PADI3: variants seen among roughly 807,000 people sequenced by gnomAD.
PADI3 encodes peptidyl arginine deiminase 3, also known as protein-arginine deiminase type-3.
PADI3 carries 53 observed loss-of-function variants against 71.5 expected under a neutral mutation model. The ratio of observed to expected loss-of-function variants is 0.74; its 90% confidence interval spans 0.59 to 0.93. The LOEUF is 0.93. Among genes scored for constraint, PADI3 ranks in the 40% least tolerant of loss-of-function variants. The pLI is 0.00. For missense variants in PADI3, 821 were observed against 868.0 expected, an observed-to-expected ratio of 0.95 and a Z score of 0.68; for synonymous variants, 361 against 347.5, an observed-to-expected ratio of 1.04 and a Z score of -0.43.
At chr1:17,251,017 C>A (rs536759695) in intron 1 of PADI3, among the ~76,000 whole-genome samples, 1 of 152,212 alleles carries the variant, frequency 6.6e-6, no homozygotes, top group East Asian at 1.9e-4. Context: ...ATGAGGGATT[C>A]TTGGGCCCTG....
Position 17,274,802 on chromosome 1 carries a change from G to A in PADI3, c.1307+16G>A. 2.5e-6 allele frequency: 4 copies of A among 1,611,074 alleles called. No individual in the cohort carries two copies. The highest frequency in any genetic ancestry group is 3.4e-6 in the Non-Finnish European group (4 of 1,178,118). On this transcript the variant is annotated intron_variant, in intron 11 of 15. Transcript: ENST00000375460. ...ACCTGCCTGGGTGAGAGAGAGACAG[G>A]GAATGGAGTTCCTGGGGTGGAGGCT...
Position 17,277,256 on chromosome 1 carries a change from G to A in PADI3, c.1555+380G>A, listed in dbSNP as rs1320377908. Among the ~76,000 whole-genome samples, 5 of 151,682 alleles carry A rather than the reference G, an allele frequency of 3.3e-5. No individual in the cohort carries two copies. In the East Asian group the frequency reaches 7.8e-4, roughly 24 times the overall value. On this transcript the variant is annotated intron_variant, in intron 13 of 15. Coordinates refer to ENST00000375460, the MANE Select transcript of PADI3 (RefSeq NM_016233.2). ...GTTGCCCAGGCTGGAGTGCAATGGCGTGATCTCCACTCACCGCAACCTCCG... is the reference window on the plus strand; with the variant it reads ...GTTGCCCAGGCTGGAGTGCAATGGCATGATCTCCACTCACCGCAACCTCCG...
intron 1 of PADI3, among the ~76,000 whole-genome samples, chr1:17,256,511 C>G (rs1242998921): frequency 6.6e-6 from 1 of 152,120 alleles, no homozygotes; most frequent in Admixed American, 6.5e-5. Context: ...CCTGGGGACC[C>G]TCCTGGGCAG....
chr1:17,272,768 G>T (rs1269992729), intron 9 of PADI3, among the ~76,000 whole-genome samples: 1 of 152,154 alleles, frequency 6.6e-6, no homozygotes, highest in Non-Finnish European at 1.5e-5. Flanking sequence ...AAAGTGCTGG[G>T]ATTATAGGTG....
intron 6 of PADI3, among the ~76,000 whole-genome samples, chr1:17,268,579 G>C (rs112577502): frequency 0.11 from 16,080 of 145,576 alleles, 949 homozygotes; most frequent in African/African-American, 0.12. Context: ...GTGACCTCGG[G>C]TCACTGCAAC....
At chr1:17,249,318 G>A in intron 1 of PADI3, 89 bp downstream of exon 1, 1 of 1,068,100 alleles carries the variant, frequency 9.4e-7, no homozygotes, top group Non-Finnish European at 1.5e-6. Context: ...GCTTCTTCAG[G>A]GCCCACTCCC....
intron 3 of PADI3, among the ~76,000 whole-genome samples, chr1:17,263,854 A>C (rs2073131606): frequency 6.6e-6 from 1 of 152,176 alleles, no homozygotes; most frequent in Admixed American, 6.5e-5. Flanking sequence ...AGTGATCAAA[A>C]CCCAAATTAA....
Position 17,262,153 on chromosome 1 carries a change from C to T in PADI3, c.294C>T (p.Ser98=). The T allele has an allele frequency of 1.2e-6, 2 of 1,613,618 alleles. No individual in the cohort carries two copies. The highest frequency in any genetic ancestry group is 1.7e-6 in the Non-Finnish European group (2 of 1,179,910). Residue 98 remains serine (S), a synonymous_variant, in exon 3 of 16, where the codon TCC becomes TCT. Transcript: ENST00000375460. ...CACAGGTTCAGATTTCCTACCACTCCAGCCATGAGCCTCTGCCCCTGGCCT... is the reference window on the plus strand; with the variant it reads ...CACAGGTTCAGATTTCCTACCACTCTAGCCATGAGCCTCTGCCCCTGGCCT... The part of the protein sequence containing the change: ...NDSHVQISYH[S]SHEPLPLAYA...
chr1:17,266,859 C>G, intron 5 of PADI3, 23 bp downstream of exon 5: 1 of 1,558,434 alleles, frequency 6.4e-7, no homozygotes, highest in Non-Finnish European at 8.9e-7. Flanking sequence ...CAGCCTGAGT[C>G]CCTGGGTGTC....
intron 9 of PADI3, among the ~76,000 whole-genome samples, chr1:17,272,791 C>A (rs2073273029): frequency 6.6e-6 from 1 of 152,338 alleles, no homozygotes; most frequent in South Asian, 2.1e-4. Flanking sequence ...AGCCACCGTG[C>A]CCGGACTGGA....
intron 9 of PADI3, 68 bp downstream of exon 9, chr1:17,271,246 GC>G (rs1424749555): frequency 7.4e-7 from 1 of 1,347,630 alleles, no homozygotes; most frequent in Non-Finnish European, 1.0e-6. Context: ...TCATTTGGGG[GC>G]CACCGAGAAA....
At position 17,266,845 on chromosome 1, in the gene PADI3, G is replaced by A. The variant is rs371669413; in HGVS notation, c.526+9G>A. 3.9e-5 allele frequency: 62 copies of A among 1,601,648 alleles called. No individual in the cohort carries two copies. Among genetic ancestry groups the A allele is most frequent in the Non-Finnish European group, 4.8e-5 (56 of 1,168,896 alleles). On this transcript the variant is annotated intron_variant, in intron 5 of 15. Transcript: ENST00000375460. ...CGTGCACTGCCTGCAAGGTGAGGCCGGGGCAGCCTGAGTCCCTGGGTGTCC... is the reference window on the plus strand; with the variant it reads ...CGTGCACTGCCTGCAAGGTGAGGCCAGGGCAGCCTGAGTCCCTGGGTGTCC...
At chr1:17,277,491 G>A (rs1182368321) in intron 13 of PADI3, among the ~76,000 whole-genome samples, 4 of 152,146 alleles carry the variant, frequency 2.6e-5, no homozygotes, top group African/African-American at 9.7e-5. Context: ...CACCACACCT[G>A]GCTGCCCTGA....
At chr1:17,258,350 G>C (rs969381135) in intron 1 of PADI3, among the ~76,000 whole-genome samples, 3 of 152,248 alleles carry the variant, frequency 2.0e-5, no homozygotes, top group Non-Finnish European at 4.4e-5. Flanking sequence ...CAACAGTGGG[G>C]AGAGCAGTGG....
rs1032099691 is a variant in PADI3, at chr1:17,276,201, G to C, written c.1308-318G>C. Among the ~76,000 whole-genome samples the C allele has an allele frequency of 2.6e-5, 4 of 152,128 alleles. No individual in the cohort carries two copies. The South Asian group carries it at 8.3e-4, about 32-fold the overall frequency. ...AATACAGAAAAATTAGCCTGGCCTG[G>C]TGGTGCACGCCTGTAATCCCAGTTG... On this transcript the variant is annotated intron_variant, in intron 11 of 15. Transcript: ENST00000375460.
At position 17,250,751 on chromosome 1, in the gene PADI3, C is replaced by T. The variant is rs190779766; in HGVS notation, c.92+1522C>T. Among the ~76,000 whole-genome samples, 423 of 152,300 alleles carry T rather than the reference C, an allele frequency of 2.8e-3. 2 individuals are homozygous for T. Among genetic ancestry groups the T allele is most frequent in the Middle Eastern group, 0.01 (3 of 294 alleles). ...TGCCTGCCATGGGGTGACTGGGCTG[C>T]GTGCCATGGGGTGACTCACCTGCCC... On this transcript the variant is annotated intron_variant, in intron 1 of 15. Coordinates refer to ENST00000375460, the MANE Select transcript of PADI3 (RefSeq NM_016233.2).
chr1:17,270,854 T>C (rs2073238029), intron 7 of PADI3, 25 bp from the exon 8 acceptor site: 1 of 1,578,846 alleles, frequency 6.3e-7, no homozygotes, highest in Non-Finnish European at 8.7e-7. Context: ...TCCAGTGCTC[T>C]TTCTCCCCTG....
Position 17,270,952 on chromosome 1 carries a change from C to T in PADI3, c.905C>T (p.Thr302Ile), listed in dbSNP as rs1569904468. 1.2e-6 allele frequency: 2 copies of T among 1,614,146 alleles called. No individual in the cohort carries two copies. Among genetic ancestry groups the T allele is most frequent in the Non-Finnish European group, 1.7e-6 (2 of 1,179,998 alleles). ...GCACCCTGGATCATGACGCCCAGCA[C>T]TCTGCCACCCCTAGAGGTGTATGTG... is the stretch of plus-strand genomic sequence containing the variant. ...RVAPWIMTPS[T>I]LPPLEVYVCR... Residue 302 changes from threonine to isoleucine, a missense_variant, in exon 8 of 16, where the codon ACT becomes ATT. Coordinates refer to ENST00000375460, the MANE Select transcript of PADI3 (RefSeq NM_016233.2).
chr1:17,259,226 C>A (rs573183577), intron 1 of PADI3, among the ~76,000 whole-genome samples: 1 of 152,198 alleles, frequency 6.6e-6, no homozygotes, highest in Non-Finnish European at 1.5e-5. Context: ...TATGCTACCA[C>A]GCCTGGCTAT....
Sources: allele counts gnomAD v4.1 joint callset (sites outside exome capture counted in the v4.1 genomes callset), GRCh38; gene constraint gnomAD v4.1.1; transcripts MANE v1.5; gene names NCBI Gene and HGNC (gene_info 2026-07-23, HGNC 2026-07-21).